OCLN: variants seen among roughly 807,000 people sequenced by gnomAD.
OCLN encodes phosphatase 1, regulatory subunit 115.
A neutral mutation model predicts 47.9 loss-of-function variants in OCLN; 21 were observed. The ratio of observed to expected loss-of-function variants is 0.44; its 90% CI spans 0.31 to 0.63. The LOEUF is 0.63. Ranked by LOEUF, OCLN falls within the 30% of genes least tolerant of loss-of-function variation. The pLI is 0.08. For synonymous variants in OCLN, 117 were observed against 198.4 expected (o/e 0.59, Z 3.45); for missense variants, 360 against 571.0 (o/e 0.63, Z 3.77).
At chr5:69,533,010 T>TGTGTGTGTGC (rs1281433931) in intron 4 of OCLN, among the ~76,000 whole-genome samples, 1 of 145,654 alleles carries the variant, frequency 6.9e-6, no homozygotes. Context: ...TGTGTGTGTG[T>TGTGTGTGTGC]GTGTGTGTGT....
At chr5:69,513,600 T>C (rs904663294) in intron 3 of OCLN, among the ~76,000 whole-genome samples, 1 of 152,210 alleles carries the variant, frequency 6.6e-6, no homozygotes, top group Non-Finnish European at 1.5e-5. Flanking sequence ...TACTGGCCAT[T>C]CTCGTAGGTG....
chr5:69,514,008 G>A lies in OCLN; in HGVS notation c.790G>A (p.Ala264Thr). ...IVAFALIIFFAVKTRRKMDRY... is the reference protein window; with the variant it reads ...IVAFALIIFFTVKTRRKMDRY... ...GGCTTTTGCTTTAATAATTTTCTTT[G>A]CTGTGAAAACTCGAAGAAAGATGGA... The change falls in exon 4 of 9, where the codon GCT (alanine) becomes ACT (threonine). Residue 264 changes from alanine (A) to threonine (T), a missense_variant. Ala to Thr is a moderately conservative substitution (Grantham distance 58). This residue lies in a region of OCLN where 314 missense variants were observed against 368.1 expected (regional missense o/e 0.85). Coordinates refer to ENST00000396442, the MANE Select transcript of OCLN (RefSeq NM_001205254.2). The A allele has an allele frequency of 1.2e-6, 2 of 1,613,854 alleles. No homozygotes were observed. Among genetic ancestry groups the A allele is most frequent in the Non-Finnish European group, 1.7e-6 (2 of 1,179,820 alleles).
At chr5:69,512,865 G>C (rs968927367) in intron 3 of OCLN, among the ~76,000 whole-genome samples, 1 of 152,176 alleles carries the variant, frequency 6.6e-6, no homozygotes, top group African/African-American at 2.4e-5. Context: ...ATGTTTCTGA[G>C]TTACTGATCT....
intron 2 of OCLN, among the ~76,000 whole-genome samples, chr5:69,504,934 A>G (rs1188769278): frequency 6.7e-6 from 1 of 148,428 alleles, no homozygotes; most frequent in Non-Finnish European, 1.5e-5. Context: ...CAGCCTAGAG[A>G]CAGAGCGAGA....
chr5:69,498,190 A>C (rs1236548241), intron 1 of OCLN, among the ~76,000 whole-genome samples: 1 of 152,068 alleles, frequency 6.6e-6, no homozygotes, highest in Non-Finnish European at 1.5e-5. Context: ...TATGGAATTG[A>C]CTTTTTAAAA....
upstream of OCLN, chr5:69,492,712 T>C (rs926064139): frequency 1.3e-5 from 2 of 152,464 alleles, no homozygotes; most frequent in Admixed American, 6.5e-5. Context: ...TCCACGTTGG[T>C]GCGCATGCCC....
chr5:69,522,680 A>C (rs1036672404), intron 4 of OCLN, among the ~76,000 whole-genome samples: 1 of 151,994 alleles, frequency 6.6e-6, no homozygotes, highest in Non-Finnish European at 1.5e-5. Context: ...GAAAAGTTGC[A>C]ATTATAGTAT....
At chr5:69,510,522 A>C (rs925136366) in intron 3 of OCLN, among the ~76,000 whole-genome samples, 1 of 152,090 alleles carries the variant, frequency 6.6e-6, no homozygotes, top group Non-Finnish European at 1.5e-5. Flanking sequence ...TCTACTAAAA[A>C]TACAAAAAAA....
chr5:69,497,889 T>G (rs1276876932), intron 1 of OCLN, among the ~76,000 whole-genome samples: 2 of 152,142 alleles, frequency 1.3e-5, no homozygotes, highest in Non-Finnish European at 2.9e-5. Flanking sequence ...ATGAACCACT[T>G]TGGGAGGCCG....
rs1431820745 is a variant in OCLN at position 69,509,626 on chromosome 5, G to A, written c.536G>A (p.Ser179Asn). The A allele has an allele frequency of 3.1e-6, 5 of 1,614,234 alleles. No individual in the cohort carries two copies. The highest frequency in any genetic ancestry group is 2.2e-5 in the East Asian group (1 of 44,890). Reference sequence around the variant, plus strand: ...TACTACTTAAGTGTGATAATAGTGAGTGCTATCCTGGGCATCATGGTGTTT... The same window carrying A: ...TACTACTTAAGTGTGATAATAGTGAATGCTATCCTGGGCATCATGGTGTTT... ...RRYYLSVIIV[S>N]AILGIMVFIA... Residue 179 changes from serine to asparagine, a missense_variant, in exon 3 of 9, where the codon AGT (serine) becomes AAT (asparagine). Around this residue, in one of 3 missense-constraint regions of OCLN, gnomAD observed 314 missense variants for 368.1 expected, o/e 0.85. Transcript: ENST00000396442.
intron 1 of OCLN, among the ~76,000 whole-genome samples, chr5:69,501,802 T>C (rs1768465963): frequency 6.6e-6 from 1 of 152,244 alleles, no homozygotes; most frequent in Non-Finnish European, 1.5e-5. Context: ...GTTGGTGTTA[T>C]TAACATTCTA....
chr5:69,526,796 G>A (rs1447224341), intron 4 of OCLN, among the ~76,000 whole-genome samples: 1 of 152,242 alleles, frequency 6.6e-6, no homozygotes, highest in Non-Finnish European at 1.5e-5. Context: ...GTTGGGACAA[G>A]AGCTTAATGC....
chr5:69,501,379 C>T (rs1768454541), intron 1 of OCLN, among the ~76,000 whole-genome samples: 1 of 152,176 alleles, frequency 6.6e-6, no homozygotes, highest in Admixed American at 6.5e-5. Flanking sequence ...CCTGTAATCC[C>T]AGTACTTTGG....
intron 1 of OCLN, among the ~76,000 whole-genome samples, chr5:69,497,781 A>T (rs1375767789): frequency 1.3e-5 from 2 of 152,152 alleles, no homozygotes; most frequent in Non-Finnish European, 2.9e-5. Flanking sequence ...TTTTAATAGC[A>T]TATTATTCCT....
At chr5:69,533,712 G>T (rs2112061454) in intron 4 of OCLN, among the ~76,000 whole-genome samples, 1 of 152,288 alleles carries the variant, frequency 6.6e-6, no homozygotes, top group East Asian at 1.9e-4. Context: ...GAGTGCAATG[G>T]CACTATCTCT....
intron 4 of OCLN, among the ~76,000 whole-genome samples, chr5:69,528,687 T>G (rs1347266617): frequency 1.3e-5 from 2 of 152,198 alleles, no homozygotes; most frequent in Admixed American, 1.3e-4. Flanking sequence ...TCTGTGACTT[T>G]GAGCAAGTTA....
rs1267072732 is a variant in OCLN at position 69,555,296 on chromosome 5, T to G, written c.*1625T>G. On this transcript the variant is annotated 3_prime_UTR_variant, in exon 9 of 9. Transcript: ENST00000396442. Reference sequence around the variant, plus strand: ...TTTTTTTTTTGAGATGGAGTTTTGCTCTTGTTGAACAGGCTGGAGTGCAAT... The same window carrying G: ...TTTTTTTTTTGAGATGGAGTTTTGCGCTTGTTGAACAGGCTGGAGTGCAAT... 1 of 138,258 alleles carries G rather than the reference T, an allele frequency of 7.2e-6. No homozygotes were observed. The highest frequency in any genetic ancestry group is 1.6e-5 in the Non-Finnish European group (1 of 64,422). The allele number at this position is 138,258 out of a possible 1,614,324, so 8.6% of individuals were successfully genotyped here. A position where few individuals can be genotyped will look rare whatever the true frequency, so the allele number is the denominator to read the frequency against.
chr5:69,527,615 C>T (rs998650753), intron 4 of OCLN, among the ~76,000 whole-genome samples: 7 of 152,172 alleles, frequency 4.6e-5, no homozygotes, highest in Non-Finnish European at 7.3e-5. Flanking sequence ...GTGGTTAGAA[C>T]ATAGTGTATG....
intron 1 of OCLN, among the ~76,000 whole-genome samples, chr5:69,501,453 A>G (rs1282900359): frequency 6.6e-6 from 1 of 151,914 alleles, no homozygotes; most frequent in Non-Finnish European, 1.5e-5. Flanking sequence ...AACATGGTGA[A>G]ACCTTATCTC....
Sources: allele counts gnomAD v4.1 joint callset (sites outside exome capture counted in the v4.1 genomes callset), GRCh38; gene constraint gnomAD v4.1.1; regional missense constraint gnomAD v4.1.1; transcripts MANE v1.5; gene names NCBI Gene and HGNC (gene_info 2026-07-23, HGNC 2026-07-21).